Variants in SPMIP3 observed in about 807,000 individuals in gnomAD.
SPMIP3 encodes protein SPMIP3.
chr1:244,389,174 T>C, the SPMIP3 span: 1 of 797,238 alleles, frequency 1.3e-6, no homozygotes, highest in South Asian at 1.7e-5. Flanking sequence ...TACAGATGGC[T>C]ATAATCCTAA....
At chr1:244,370,116 C>T in the SPMIP3 span, among the ~76,000 whole-genome samples, 2 of 152,346 alleles carry the variant, frequency 1.3e-5, no homozygotes, top group East Asian at 1.9e-4. Context: ...GACTCTGTTG[C>T]CCTTTCCATC....
the SPMIP3 span, among the ~76,000 whole-genome samples, chr1:244,384,111 T>C: frequency 2.0e-5 from 3 of 152,162 alleles, no homozygotes; most frequent in Admixed American, 6.5e-5. Context: ...AAAATGTTCC[T>C]CTAACTGTGG....
the SPMIP3 span, among the ~76,000 whole-genome samples, chr1:244,354,719 A>T: frequency 1.3e-5 from 2 of 152,286 alleles, no homozygotes; most frequent in South Asian, 2.1e-4. Context: ...CCAATTTTTT[A>T]AATGTTTTTC....
chr1:244,356,662 C>T, the SPMIP3 span, among the ~76,000 whole-genome samples: 1 of 152,130 alleles, frequency 6.6e-6, no homozygotes, highest in Non-Finnish European at 1.5e-5. Context: ...AGCCATGAAC[C>T]TGCACAAGCC....
chr1:244,364,851 A>ACT, the SPMIP3 span: 4 of 1,284,916 alleles, frequency 3.1e-6, no homozygotes, highest in Non-Finnish European at 4.5e-6. Context: ...TCAGTGGTCC[A>ACT]GAGACTACTG....
chr1:244,388,978 C>T, the SPMIP3 span: 18 of 1,613,714 alleles, frequency 1.1e-5, no homozygotes, highest in Middle Eastern at 1.7e-4. Flanking sequence ...GCCACAGTTT[C>T]GCTGAATCCT....
chr1:244,386,050 G>A, the SPMIP3 span, among the ~76,000 whole-genome samples: 3 of 150,808 alleles, frequency 2.0e-5, no homozygotes, highest in East Asian at 2.0e-4. Context: ...ATTAGCTCAC[G>A]CCTGTAGTCC....
At chr1:244,359,140 C>CAAA in the SPMIP3 span, among the ~76,000 whole-genome samples, 10 of 133,186 alleles carry the variant, frequency 7.5e-5, no homozygotes, top group East Asian at 4.4e-4. Flanking sequence ...TGATTAATGG[C>CAAA]AAAAAAAAAA....
At chr1:244,370,673 G>T in the SPMIP3 span, among the ~76,000 whole-genome samples, 4 of 152,094 alleles carry the variant, frequency 2.6e-5, no homozygotes, top group African/African-American at 9.7e-5. Context: ...ATGTCTATTT[G>T]CTGTCTGCCC....
At chr1:244,387,101 G>A in the SPMIP3 span, among the ~76,000 whole-genome samples, 5 of 152,266 alleles carry the variant, frequency 3.3e-5, no homozygotes, top group Admixed American at 2.0e-4. Context: ...TCAGGAGTTC[G>A]AGACTAGCCT....
chr1:244,372,637 G>C, the SPMIP3 span, among the ~76,000 whole-genome samples: 4 of 152,014 alleles, frequency 2.6e-5, no homozygotes, highest in Non-Finnish European at 5.9e-5. Flanking sequence ...TAGAGACTGG[G>C]TTTCACCGCG....
chr1:244,356,500 T>G, the SPMIP3 span, among the ~76,000 whole-genome samples: 2 of 152,228 alleles, frequency 1.3e-5, no homozygotes, highest in Non-Finnish European at 2.9e-5. Flanking sequence ...TGCTGCAACA[T>G]ACATTTTTAA....
the SPMIP3 span, among the ~76,000 whole-genome samples, chr1:244,358,873 G>A: frequency 1.3e-5 from 2 of 152,098 alleles, no homozygotes; most frequent in African/African-American, 4.8e-5. Flanking sequence ...GCATGTCTAA[G>A]CGAGAATCTT....
chr1:244,364,719 C>G, the SPMIP3 span: 9 of 1,614,004 alleles, frequency 5.6e-6, no homozygotes, highest in Non-Finnish European at 6.8e-6. Context: ...CATCCGACTA[C>G]GAGAATTTAT....
chr1:244,380,400 G>T, the SPMIP3 span, among the ~76,000 whole-genome samples: 1 of 152,126 alleles, frequency 6.6e-6, no homozygotes, highest in African/African-American at 2.4e-5. Context: ...GATTACAGGC[G>T]TGAGCCACTG....
the SPMIP3 span, among the ~76,000 whole-genome samples, chr1:244,360,536 ACACACACACACACACACACACATGCATG>A: frequency 7.3e-4 from 46 of 63,170 alleles, 2 homozygotes; most frequent in Non-Finnish European, 3.7e-5. Context: ...ACACACACAC[ACACACACACACACACACACACATGCATG>A]CATGGAATAT....
the SPMIP3 span, among the ~76,000 whole-genome samples, chr1:244,380,117 G>GTTTTTTTT: frequency 7.6e-5 from 10 of 132,230 alleles, 1 homozygote; most frequent in East Asian, 7.2e-4. Flanking sequence ...CATTCACAGA[G>GTTTTTTTT]TTTTTCTTTT....
At chr1:244,373,060 T>G in the SPMIP3 span, among the ~76,000 whole-genome samples, 2 of 151,996 alleles carry the variant, frequency 1.3e-5, no homozygotes, top group African/African-American at 4.8e-5. Flanking sequence ...CTAAGCAGTC[T>G]TTCTGCTTTT....
the SPMIP3 span, among the ~76,000 whole-genome samples, chr1:244,368,017 G>A: frequency 1.3e-5 from 2 of 152,184 alleles, no homozygotes; most frequent in Non-Finnish European, 2.9e-5. Flanking sequence ...CTGGAGTGCA[G>A]TGGTATGATC....
Sources: allele counts gnomAD v4.1 joint callset (sites outside exome capture counted in the v4.1 genomes callset), GRCh38; gene constraint gnomAD v4.1.1; transcripts MANE v1.5; gene names NCBI Gene and HGNC (gene_info 2026-07-23, HGNC 2026-07-21).